Variants in PTPRG observed in about 807,000 individuals in gnomAD.
The protein encoded by PTPRG is receptor-type tyrosine-protein phosphatase gamma.
PTPRG carries 102 observed loss-of-function variants against 165.3 expected under a neutral mutation model. That is an observed-to-expected ratio of 0.62 (90% CI 0.53 to 0.73). PTPRG has a LOEUF of 0.73. PTPRG is among the 30% of genes least tolerant of loss of function. PTPRG has a pLI of 0.00. For synonymous variants in PTPRG, 675 were observed against 669.5 expected (o/e 1.01, Z -0.13); for missense variants, 1,866 against 1,861.4 (o/e 1.00, Z -0.05).
chr3:61,711,710 A>G (rs1176962787), intron 1 of PTPRG, among the ~76,000 whole-genome samples: 1 of 152,226 alleles, frequency 6.6e-6, no homozygotes, highest in Non-Finnish European at 1.5e-5. Context: ...GCTGATATCC[A>G]GAATCTACAA....
intron 1 of PTPRG, among the ~76,000 whole-genome samples, chr3:61,693,736 C>A (rs755947073): frequency 6.6e-6 from 1 of 151,982 alleles, no homozygotes; most frequent in African/African-American, 2.4e-5. Context: ...CCGGGTGCAG[C>A]GGCTCACGCC....
At chr3:62,099,752 G>A (rs1409618687) in intron 5 of PTPRG, among the ~76,000 whole-genome samples, 1 of 148,264 alleles carries the variant, frequency 6.7e-6, no homozygotes, top group African/African-American at 2.5e-5. Context: ...TATATATCAA[G>A]TGACTTTGAG....
intron 2 of PTPRG, among the ~76,000 whole-genome samples, chr3:61,877,598 C>A (rs964115504): frequency 5.9e-5 from 9 of 152,124 alleles, no homozygotes; most frequent in Admixed American, 5.9e-4. Flanking sequence ...TTTGTGTATA[C>A]CCTGGTAGAA....
intron 5 of PTPRG, among the ~76,000 whole-genome samples, chr3:62,098,996 A>G (rs1051836841): frequency 6.6e-6 from 1 of 152,212 alleles, no homozygotes; most frequent in Admixed American, 6.5e-5. Flanking sequence ...GAGATGATGC[A>G]TTTTTGTTGT....
intron 6 of PTPRG, among the ~76,000 whole-genome samples, chr3:62,136,097 C>T (rs188854949): frequency 1.7e-4 from 26 of 152,254 alleles, no homozygotes; most frequent in African/African-American, 5.5e-4. Context: ...CAGAGCTTCA[C>T]GTCCCCTTCC....
chr3:62,124,852 A>G (rs1376606418), intron 5 of PTPRG, among the ~76,000 whole-genome samples: 1 of 152,186 alleles, frequency 6.6e-6, no homozygotes, highest in Non-Finnish European at 1.5e-5. Context: ...GCCACTGCGC[A>G]TGGCCAGAAT....
At chr3:61,905,786 C>G (rs2038632397) in intron 2 of PTPRG, among the ~76,000 whole-genome samples, 1 of 152,158 alleles carries the variant, frequency 6.6e-6, no homozygotes, top group South Asian at 2.1e-4. Flanking sequence ...TCAACTGAGT[C>G]AAAAATAAAA....
chr3:62,129,789 G>C (rs1576039552), intron 5 of PTPRG, among the ~76,000 whole-genome samples: 1 of 152,084 alleles, frequency 6.6e-6, no homozygotes, highest in East Asian at 1.9e-4. Flanking sequence ...TCTCATTCAG[G>C]ATCCAAGATC....
At chr3:61,977,994 G>T (rs1235987843) in intron 2 of PTPRG, among the ~76,000 whole-genome samples, 7 of 152,204 alleles carry the variant, frequency 4.6e-5, no homozygotes, top group African/African-American at 1.4e-4. Flanking sequence ...TGGGATTGCA[G>T]GCACCTGCCA....
chr3:62,024,329 A>T (rs1249514212), intron 4 of PTPRG, among the ~76,000 whole-genome samples: 1 of 152,166 alleles, frequency 6.6e-6, no homozygotes, highest in Non-Finnish European at 1.5e-5. Context: ...CAGAACTCCC[A>T]TCTCCCCACT....
At chr3:61,653,903 G>GGTGGT (rs1553644925) in intron 1 of PTPRG, among the ~76,000 whole-genome samples, 1 of 137,918 alleles carries the variant, frequency 7.3e-6, no homozygotes, top group African/African-American at 2.6e-5. Context: ...GAGCGGTGGG[G>GGTGGT]GGCGCGGGGA....
intron 4 of PTPRG, among the ~76,000 whole-genome samples, chr3:62,029,739 C>T (rs2107779250): frequency 6.6e-6 from 1 of 152,348 alleles, no homozygotes; most frequent in Non-Finnish European, 1.5e-5. Flanking sequence ...ATTAACAGAA[C>T]TGCATCTTTT....
intron 2 of PTPRG, among the ~76,000 whole-genome samples, chr3:61,785,078 A>T (rs747484819): frequency 1.3e-5 from 2 of 152,234 alleles, no homozygotes; most frequent in Non-Finnish European, 2.9e-5. Flanking sequence ...GGCTAATTAC[A>T]TGCAGAAATG....
At chr3:61,862,171 T>C (rs1479558393) in intron 2 of PTPRG, among the ~76,000 whole-genome samples, 1 of 151,958 alleles carries the variant, frequency 6.6e-6, no homozygotes, top group Non-Finnish European at 1.5e-5. Flanking sequence ...ATGCCAGGGG[T>C]CTAGATTCCT....
At chr3:61,905,828 G>A (rs1049641919) in intron 2 of PTPRG, among the ~76,000 whole-genome samples, 3 of 152,184 alleles carry the variant, frequency 2.0e-5, no homozygotes, top group Non-Finnish European at 2.9e-5. Context: ...CCCTTTGTCT[G>A]TGTCCATTTA....
intron 4 of PTPRG, among the ~76,000 whole-genome samples, chr3:62,055,365 T>C (rs1483146001): frequency 6.6e-6 from 1 of 152,216 alleles, no homozygotes; most frequent in African/African-American, 2.4e-5. Context: ...AGGCTGGGCA[T>C]GCTAATGAGA....
At chr3:61,672,586 G>A (rs71619265) in intron 1 of PTPRG, among the ~76,000 whole-genome samples, 13,162 of 56,770 alleles carry the variant, frequency 0.23, 700 homozygotes, top group Non-Finnish European at 0.32. Context: ...CAGGCATGGC[G>A]GCGCCGCCTG....
chr3:61,984,206 C>A (rs927367933), intron 2 of PTPRG, among the ~76,000 whole-genome samples: 1 of 152,132 alleles, frequency 6.6e-6, no homozygotes, highest in African/African-American at 2.4e-5. Context: ...GAATGGCACA[C>A]TAAGGAGGTA....
chr3:62,061,453 A>G (rs184688549), intron 4 of PTPRG, among the ~76,000 whole-genome samples: 6 of 152,092 alleles, frequency 3.9e-5, no homozygotes, highest in Admixed American at 2.6e-4. Flanking sequence ...CATGGTTTTG[A>G]TATTTTGCTG....
Sources: allele counts gnomAD v4.1 joint callset (sites outside exome capture counted in the v4.1 genomes callset), GRCh38; gene constraint gnomAD v4.1.1; transcripts MANE v1.5; gene names NCBI Gene and HGNC (gene_info 2026-07-23, HGNC 2026-07-21).